The following BLTP1 variants were observed in gnomAD, a reference collection of about 807,000 sequenced individuals.
BLTP1 encodes the protein bridge-like lipid transfer protein family member 1, also known as fragile site-associated protein.
chr4:122,238,172 A>T, the BLTP1 span: 1 of 1,614,020 alleles, frequency 6.2e-7, no homozygotes, highest in Admixed American at 1.7e-5. Flanking sequence ...TCAGCACCTT[A>T]GTCTTCAAGT....
the BLTP1 span, chr4:122,269,370 A>G: frequency 1.0e-6 from 1 of 978,514 alleles, no homozygotes; most frequent in Non-Finnish European, 1.2e-6. Flanking sequence ...ATTTGAGCAC[A>G]CAAGTAAGTC....
At chr4:122,235,503 T>TA in the BLTP1 span, 8 of 980,370 alleles carry the variant, frequency 8.2e-6, no homozygotes, top group East Asian at 9.1e-4. Flanking sequence ...ACTCCAGTCT[T>TA]AGAATCTTTA....
the BLTP1 span, chr4:122,244,610 T>A: frequency 1.0e-6 from 1 of 976,310 alleles, no homozygotes; most frequent in Non-Finnish European, 1.2e-6. Context: ...ATGGAAGTGG[T>A]GTAGAAGCGG....
chr4:122,247,763 A>G, the BLTP1 span: 1 of 1,006,526 alleles, frequency 9.9e-7, no homozygotes, highest in Non-Finnish European at 1.2e-6. Flanking sequence ...AAAACCAGAG[A>G]GTCTGTAAAA....
the BLTP1 span, chr4:122,257,207 T>G: frequency 6.4e-7 from 1 of 1,563,080 alleles, no homozygotes; most frequent in Admixed American, 1.7e-5. Context: ...AAATGGTAAC[T>G]GATATTATTA....
chr4:122,222,184 C>T, the BLTP1 span, among the ~76,000 whole-genome samples: 1 of 152,156 alleles, frequency 6.6e-6, no homozygotes, highest in Non-Finnish European at 1.5e-5. Flanking sequence ...ACCTTGTTTA[C>T]ATTCTATAGT....
chr4:122,339,423 C>T, the BLTP1 span: 13 of 1,596,000 alleles, frequency 8.1e-6, no homozygotes, highest in African/African-American at 1.3e-5. Flanking sequence ...AGATAATGTT[C>T]TTTTATTCCT....
chr4:122,184,690 A>C, the BLTP1 span: 1 of 985,214 alleles, frequency 1.0e-6, no homozygotes, highest in Non-Finnish European at 1.2e-6. Context: ...TAAGAAAAAA[A>C]GGTAAAAATG....
chr4:122,197,153 T>G, the BLTP1 span: 6 of 856,056 alleles, frequency 7.0e-6, no homozygotes, highest in African/African-American at 3.6e-5. Context: ...GGAGAATAAT[T>G]ATAATTAATG....
At chr4:122,343,510 T>C in the BLTP1 span, 1 of 1,614,116 alleles carries the variant, frequency 6.2e-7, no homozygotes, top group Admixed American at 1.7e-5. Context: ...TGAGCTTCAC[T>C]GCATGCATGT....
At chr4:122,254,459 G>C in the BLTP1 span, 1 of 1,285,238 alleles carries the variant, frequency 7.8e-7, no homozygotes, top group South Asian at 1.7e-5. Flanking sequence ...TAGTATTAAG[G>C]TTGCAACTTT....
chr4:122,238,632 T>C, the BLTP1 span, among the ~76,000 whole-genome samples: 1 of 152,236 alleles, frequency 6.6e-6, no homozygotes, highest in African/African-American at 2.4e-5. Flanking sequence ...CATTCAGATA[T>C]TATCCTTCTA....
the BLTP1 span, among the ~76,000 whole-genome samples, chr4:122,217,367 A>AT: frequency 1.4e-3 from 192 of 141,926 alleles, 1 homozygote; most frequent in East Asian, 0.017. Flanking sequence ...GAATTTTAGG[A>AT]TTTTTTTTTT....
chr4:122,362,121 T>A, the BLTP1 span: 1 of 1,613,690 alleles, frequency 6.2e-7, no homozygotes. Flanking sequence ...GGACTACTAT[T>A]CCTAAATGGC....
chr4:122,298,925 C>G, the BLTP1 span: 1 of 985,100 alleles, frequency 1.0e-6, no homozygotes, highest in South Asian at 4.7e-5. Context: ...TAAAGACTTG[C>G]AGTAATTGTT....
chr4:122,198,059 T>G, the BLTP1 span: 34 of 985,184 alleles, frequency 3.5e-5, no homozygotes, highest in Non-Finnish European at 4.0e-5. Context: ...TAGCTCTTGT[T>G]TCTTGGTTCT....
chr4:122,316,178 C>A, the BLTP1 span, among the ~76,000 whole-genome samples: 1 of 152,142 alleles, frequency 6.6e-6, no homozygotes, highest in East Asian at 1.9e-4. Context: ...CTATACTATA[C>A]ACTCTGTAGT....
chr4:122,219,220 T>A, the BLTP1 span: 1 of 1,454,780 alleles, frequency 6.9e-7, no homozygotes. Flanking sequence ...ATAGGCCTGA[T>A]GCCTTTTTAT....
At chr4:122,169,212 C>T in the BLTP1 span, among the ~76,000 whole-genome samples, 1 of 152,148 alleles carries the variant, frequency 6.6e-6, no homozygotes, top group African/African-American at 2.4e-5. Flanking sequence ...ACCTTTGCCT[C>T]CCAAAGCACT....
Sources: gnomAD v4.1 joint callset for allele counts (sites outside exome capture counted in the v4.1 genomes callset) on GRCh38, gnomAD v4.1.1 for gene constraint, MANE v1.5 for transcripts, NCBI Gene and HGNC (gene_info 2026-07-23, HGNC 2026-07-21) for gene names.